Variants in PRKG1 observed in about 807,000 individuals in gnomAD.
PRKG1 encodes the protein protein kinase cGMP-dependent 1, also known as cGMP-dependent protein kinase 1.
In PRKG1, 35 loss-of-function variants were observed where a neutral mutation model predicts 88.1. The ratio of observed to expected loss-of-function variants is 0.40; its 90% CI spans 0.30 to 0.53. The LOEUF (loss-of-function observed/expected upper bound fraction) is 0.53, where lower values mean the gene tolerates loss of function less well. PRKG1 is among the 20% of genes least tolerant of loss of function. The pLI is 0.59. For missense variants in PRKG1, 540 were observed against 839.8 expected, an observed-to-expected ratio of 0.64 and a Z score of 4.41; for synonymous variants, 303 against 292.5, an observed-to-expected ratio of 1.04 and a Z score of -0.37.
At chr10:51,209,062 A>G (rs192073368) in intron 2 of PRKG1, among the ~76,000 whole-genome samples, 16 of 152,306 alleles carry the variant, frequency 1.1e-4, no homozygotes, top group African/African-American at 3.6e-4. Context: ...CCCTCCAGCA[A>G]TGGAAAATTT....
chr10:51,507,434 T>C (rs1485757053), intron 3 of PRKG1, among the ~76,000 whole-genome samples: 1 of 152,174 alleles, frequency 6.6e-6, no homozygotes, highest in Non-Finnish European at 1.5e-5. Flanking sequence ...TTTGTGCTTG[T>C]ATTCTTGCTC....
chr10:51,690,730 A>T (rs1159421839), intron 3 of PRKG1, among the ~76,000 whole-genome samples: 1 of 152,040 alleles, frequency 6.6e-6, no homozygotes, highest in African/African-American at 2.4e-5. Context: ...GATCGAGGCC[A>T]TCCTGGCCAA....
At chr10:52,081,531 CAT>C (rs1447524385) in intron 7 of PRKG1, 1 of 453,180 alleles carries the variant, frequency 2.2e-6, no homozygotes, top group African/African-American at 2.0e-5. Context: ...AATTCTATAA[CAT>C]ATCTTAATTT....
chr10:51,914,944 A>G (rs1842305855), intron 5 of PRKG1, among the ~76,000 whole-genome samples: 1 of 152,214 alleles, frequency 6.6e-6, no homozygotes. Flanking sequence ...GAGAAAACAT[A>G]TTTCAACTCA....
At chr10:51,246,816 C>G (rs1327475456) in intron 2 of PRKG1, among the ~76,000 whole-genome samples, 1 of 151,956 alleles carries the variant, frequency 6.6e-6, no homozygotes, top group Non-Finnish European at 1.5e-5. Context: ...TTGTTCACTG[C>G]TATTCAGCCC....
At chr10:51,481,602 T>C (rs1282269002) in intron 3 of PRKG1, among the ~76,000 whole-genome samples, 3 of 152,176 alleles carry the variant, frequency 2.0e-5, no homozygotes, top group African/African-American at 7.2e-5. Context: ...ATTTAAAAAT[T>C]CATTAATTTT....
chr10:51,864,060 G>A (rs1013733040), intron 4 of PRKG1, among the ~76,000 whole-genome samples: 1 of 152,156 alleles, frequency 6.6e-6, no homozygotes, highest in Non-Finnish European at 1.5e-5. Flanking sequence ...GGGACCAACT[G>A]CCCCAGTTTT....
At chr10:51,556,058 G>A (rs987530542) in intron 3 of PRKG1, among the ~76,000 whole-genome samples, 6 of 151,922 alleles carry the variant, frequency 3.9e-5, no homozygotes, top group African/African-American at 1.4e-4. Context: ...GAACAAGGGA[G>A]GGAAGGAAGA....
intron 1 of PRKG1, among the ~76,000 whole-genome samples, chr10:51,057,958 A>G (rs144343011): frequency 6.8e-4 from 104 of 152,274 alleles, no homozygotes; most frequent in African/African-American, 2.2e-3. Flanking sequence ...CCAAGTGGCC[A>G]TAACAATTTA....
At chr10:52,108,617 A>G (rs1372375013) in intron 7 of PRKG1, among the ~76,000 whole-genome samples, 1 of 152,120 alleles carries the variant, frequency 6.6e-6, no homozygotes, top group African/African-American at 2.4e-5. Flanking sequence ...TATTCCTCTT[A>G]TGATGTTGTT....
At chr10:52,205,775 A>C (rs913479919) in intron 9 of PRKG1, among the ~76,000 whole-genome samples, 1 of 152,210 alleles carries the variant, frequency 6.6e-6, no homozygotes, top group Admixed American at 6.5e-5. Flanking sequence ...TTCTGCTGAA[A>C]GTTCTGCCTT....
At chr10:51,818,522 G>A (rs142025705) in intron 4 of PRKG1, among the ~76,000 whole-genome samples, 7 of 152,004 alleles carry the variant, frequency 4.6e-5, no homozygotes, top group Non-Finnish European at 1.0e-4. Context: ...AAAATACATG[G>A]CTGACTACTT....
At chr10:52,128,801 T>A (rs1308085796) in intron 7 of PRKG1, among the ~76,000 whole-genome samples, 1 of 152,190 alleles carries the variant, frequency 6.6e-6, no homozygotes, top group Non-Finnish European at 1.5e-5. Flanking sequence ...CGAAATCAAC[T>A]AATACAGAGG....
At chr10:51,027,733 C>T (rs1265285129) in intron 1 of PRKG1, among the ~76,000 whole-genome samples, 1 of 152,162 alleles carries the variant, frequency 6.6e-6, no homozygotes, top group Admixed American at 6.6e-5. Flanking sequence ...CTGCAACTTT[C>T]AGAGATCATT....
intron 3 of PRKG1, among the ~76,000 whole-genome samples, chr10:51,582,128 A>G (rs1223118705): frequency 6.6e-6 from 1 of 152,196 alleles, no homozygotes; most frequent in Non-Finnish European, 1.5e-5. Context: ...TTTAACTGCT[A>G]TTCTGCTATG....
At chr10:51,697,929 C>T (rs543097572) in intron 3 of PRKG1, 2 of 1,600,300 alleles carry the variant, frequency 1.2e-6, no homozygotes, top group East Asian at 2.3e-5. Flanking sequence ...TGTATACCTC[C>T]TCCTTGTATA....
At chr10:51,956,530 G>A (rs1447252644) in intron 5 of PRKG1, among the ~76,000 whole-genome samples, 1 of 151,820 alleles carries the variant, frequency 6.6e-6, no homozygotes, top group African/African-American at 2.4e-5. Flanking sequence ...TAATCTTTTG[G>A]ATATTTAGTC....
chr10:51,073,874 G>A (rs2132801507), upstream of PRKG1, among the ~76,000 whole-genome samples: 1 of 152,286 alleles, frequency 6.6e-6, no homozygotes, highest in East Asian at 1.9e-4. Flanking sequence ...AAGGTGGCGT[G>A]GGAGAAGCGA....
intron 7 of PRKG1, among the ~76,000 whole-genome samples, chr10:52,085,583 A>G (rs1193835869): frequency 2.0e-5 from 3 of 151,804 alleles, no homozygotes; most frequent in African/African-American, 7.3e-5. Flanking sequence ...AATCTGTATC[A>G]CTCTCAACTT....
Sources: gnomAD v4.1 joint callset for allele counts (sites outside exome capture counted in the v4.1 genomes callset) on GRCh38, gnomAD v4.1.1 for gene constraint, MANE v1.5 for transcripts, NCBI Gene and HGNC (gene_info 2026-07-23, HGNC 2026-07-21) for gene names.